The following ECE1 variants were observed in gnomAD, a reference collection of about 807,000 sequenced individuals.
The protein encoded by ECE1 is endothelin converting enzyme 1.
ECE1 carries 35 observed loss-of-function variants against 98.6 expected under a neutral mutation model. That is an observed-to-expected ratio of 0.35 (90% confidence interval 0.27 to 0.47). The LOEUF (loss-of-function observed/expected upper bound fraction) is 0.47. Ranked by LOEUF, ECE1 falls within the 20% of genes least tolerant of loss-of-function variation. The pLI is 1.00. For synonymous variants in ECE1, 394 were observed against 407.1 expected (o/e 0.97, Z 0.39); for missense variants, 814 against 1,025.3 (o/e 0.79, Z 2.81).
chr1:21,275,540 A>G (rs2098245541), intron 3 of ECE1, among the ~76,000 whole-genome samples: 1 of 152,202 alleles, frequency 6.6e-6, no homozygotes, highest in African/African-American at 2.4e-5. Context: ...GATTGCAGTG[A>G]GCCAAGATCG....
At chr1:21,279,470 CCA>C (rs1343381020) in intron 2 of ECE1, 138 bp from the exon 3 acceptor site, 5 of 1,530,968 alleles carry the variant, frequency 3.3e-6, no homozygotes, top group Non-Finnish European at 4.4e-6. Flanking sequence ...GGTCTGGTTC[CCA>C]CAGATTCAGC....
chr1:21,324,360 G>A (rs1437781406), intron 1 of ECE1, among the ~76,000 whole-genome samples: 2 of 152,216 alleles, frequency 1.3e-5, no homozygotes, highest in African/African-American at 2.4e-5. Flanking sequence ...CCATCCCCAA[G>A]GGAGAAACCA....
At chr1:21,318,261 C>T (rs1484583164) in intron 1 of ECE1, among the ~76,000 whole-genome samples, 3 of 152,160 alleles carry the variant, frequency 2.0e-5, no homozygotes, top group Admixed American at 2.0e-4. Context: ...ACCCTGCTGG[C>T]GCATGTGCAG....
intron 3 of ECE1, among the ~76,000 whole-genome samples, chr1:21,276,948 C>T (rs573282749): frequency 1.8e-4 from 27 of 152,304 alleles, no homozygotes; most frequent in Middle Eastern, 3.4e-3. Flanking sequence ...AACATCTTGA[C>T]CTCAGGTGAT....
rs2098187406 is a variant in ECE1 at position 21,235,927 on chromosome 1, C to T, written c.1489G>A (p.Ala497Thr). 1.2e-6 allele frequency: 2 copies of T among 1,614,128 alleles called. No individual in the cohort carries two copies. The highest frequency in any genetic ancestry group is 1.7e-6 in the Non-Finnish European group (2 of 1,179,986). The change falls in exon 13 of 19, where the codon GCC becomes ACC. Residue 497 changes from alanine to threonine, a missense_variant and splice_region_variant. Ala to Thr is a moderately conservative substitution (Grantham distance 58, BLOSUM62 0). Coordinates refer to ENST00000374893, the MANE Select transcript of ECE1 (RefSeq NM_001397.3). The surrounding 1 kb of genome is among the most constrained non-coding windows in gnomAD (Gnocchi z 4.2). ...CCTATCATGTTGTAGATGGCATCGG[C>T]CTGGACAGGACAGACAGAGGAAGTG... The part of the protein sequence containing the change: ...EETRKSAKEK[A>T]DAIYNMIGYP...
At chr1:21,336,136 C>T (rs1639301405) in intron 1 of ECE1, among the ~76,000 whole-genome samples, 1 of 151,912 alleles carries the variant, frequency 6.6e-6, no homozygotes, top group Admixed American at 6.5e-5. Flanking sequence ...ATCCCAGCAC[C>T]ATGGAAGGCT....
At chr1:21,272,355 G>C (rs770528743) in intron 4 of ECE1, among the ~76,000 whole-genome samples, 1 of 152,124 alleles carries the variant, frequency 6.6e-6, no homozygotes, top group Non-Finnish European at 1.5e-5. Context: ...GCAGTGGCGC[G>C]ATCTCGGCTC....
chr1:21,255,363 C>A (rs1481355372), intron 8 of ECE1, among the ~76,000 whole-genome samples: 1 of 152,176 alleles, frequency 6.6e-6, no homozygotes, highest in African/African-American at 2.4e-5. Context: ...TCTCTCTGGA[C>A]CCTCAAGAAC....
intron 10 of ECE1, among the ~76,000 whole-genome samples, chr1:21,238,826 T>C (rs1380134930): frequency 1.3e-5 from 2 of 152,030 alleles, no homozygotes; most frequent in Non-Finnish European, 2.9e-5. Context: ...TTTTTTTCTT[T>C]TTTTTTGGCA....
intron 14 of ECE1, 66 bp from the exon 15 acceptor site, chr1:21,228,107 G>A: frequency 7.7e-7 from 1 of 1,297,954 alleles, no homozygotes; most frequent in South Asian, 1.3e-5. Flanking sequence ...CAGCCTGCCT[G>A]GAGCGCTGCT....
At chr1:21,237,919 G>A (rs777727363) in intron 11 of ECE1, among the ~76,000 whole-genome samples, 3 of 152,224 alleles carry the variant, frequency 2.0e-5, no homozygotes, top group South Asian at 2.1e-4. Context: ...ACATGAGCTC[G>A]TGCAGATAAG....
intron 17 of ECE1, among the ~76,000 whole-genome samples, chr1:21,222,501 C>T (rs1396391928): frequency 1.3e-5 from 2 of 152,072 alleles, no homozygotes; most frequent in African/African-American, 4.8e-5. Flanking sequence ...GATTTGTGGG[C>T]TAATGGTCAC....
At chr1:21,287,225 G>A (rs2098261459) in intron 2 of ECE1, among the ~76,000 whole-genome samples, 1 of 152,144 alleles carries the variant, frequency 6.6e-6, no homozygotes, top group Non-Finnish European at 1.5e-5. Flanking sequence ...GTTTTAAAAA[G>A]TCTAAAATTG....
At chr1:21,290,605 G>A, upstream of ECE1, 1 of 1,184,274 alleles carries the variant, frequency 8.4e-7, no homozygotes, top group African/African-American at 1.6e-5. The surrounding 1 kb of genome is among the most constrained non-coding windows in gnomAD (Gnocchi z 7.3). Flanking sequence ...TTCCCCGGAG[G>A]TCGGGAGTGG....
chr1:21,317,734 A>G (rs1172316960), intron 1 of ECE1, among the ~76,000 whole-genome samples: 1 of 152,072 alleles, frequency 6.6e-6, no homozygotes, highest in Non-Finnish European at 1.5e-5. Context: ...CTGCTCCCCA[A>G]CTCAAGGTGG....
intron 2 of ECE1, among the ~76,000 whole-genome samples, chr1:21,281,505 T>C (rs907413377): frequency 1.3e-5 from 2 of 152,142 alleles, no homozygotes; most frequent in African/African-American, 4.8e-5. Flanking sequence ...TCTCACACAC[T>C]TTACCTTGGT....
Position 21,279,282 on chromosome 1 carries a change from G to T in ECE1, c.189C>A (p.Thr63=). Residue 63 remains threonine, a synonymous_variant, in exon 3 of 19, where the codon ACC becomes ACA. Transcript: ENST00000374893. ...ACACCACCAGCCGCTTCTCCACCTG[G>T]GTCCGTGCAGCCCAGCACCTCTGGC... ...RSGQRCWAAR[T]QVEKRLVVLV... is the part of the protein sequence containing the mutation. 6.2e-7 allele frequency: 1 copy of T among 1,614,206 alleles called. No individual in the cohort carries two copies. Among genetic ancestry groups the T allele is most frequent in the Non-Finnish European group, 8.5e-7 (1 of 1,180,046 alleles).
chr1:21,241,763 T>C (rs919714958), intron 10 of ECE1, among the ~76,000 whole-genome samples: 11 of 152,156 alleles, frequency 7.2e-5, no homozygotes, highest in Non-Finnish European at 1.2e-4. Flanking sequence ...GGCTCCAATG[T>C]CTTCCTTCAA....
At chr1:21,269,343 T>C (rs1228752681) in intron 4 of ECE1, among the ~76,000 whole-genome samples, 3 of 152,242 alleles carry the variant, frequency 2.0e-5, no homozygotes, top group African/African-American at 7.2e-5. Context: ...ACAAGTGAGA[T>C]GCTCAGTGTG....
Sources: gnomAD v4.1 joint callset for allele counts (sites outside exome capture counted in the v4.1 genomes callset) on GRCh38, gnomAD v4.1.1 for gene constraint, Gnocchi (gnomAD v3.1) non-coding constraint, MANE v1.5 for transcripts, NCBI Gene and HGNC (gene_info 2026-07-23, HGNC 2026-07-21) for gene names.